AGK: variants seen among roughly 807,000 people sequenced by gnomAD.
AGK encodes the protein acylglycerol kinase, mitochondrial.
In AGK, 52 loss-of-function variants were observed where a neutral mutation model predicts 66.4. That is an observed-to-expected ratio of 0.78 (90% CI 0.63 to 0.99). AGK has a LOEUF of 0.99. AGK is among the 50% of genes least tolerant of loss of function. The pLI is 0.00. For synonymous variants in AGK, 182 were observed against 181.1 expected, an observed-to-expected ratio of 1.00 and a Z score of -0.04; for missense variants, 451 against 506.6, an observed-to-expected ratio of 0.89 and a Z score of 1.05.
chr7:141,561,619 T>C (rs1795353931), intron 2 of AGK, among the ~76,000 whole-genome samples: 1 of 152,118 alleles, frequency 6.6e-6, no homozygotes, highest in Non-Finnish European at 1.5e-5. Context: ...GAATTATTTT[T>C]TTTTTCTTGC....
At chr7:141,609,727 C>G (rs1280237429) in intron 5 of AGK, among the ~76,000 whole-genome samples, 13 of 152,200 alleles carry the variant, frequency 8.5e-5, no homozygotes, top group Non-Finnish European at 1.5e-4. Flanking sequence ...GCTAAAAGTT[C>G]CAACCCTCTA....
intron 5 of AGK, among the ~76,000 whole-genome samples, chr7:141,610,498 T>C (rs1796561951): frequency 6.6e-6 from 1 of 152,216 alleles, no homozygotes; most frequent in African/African-American, 2.4e-5. Flanking sequence ...TGAAATCAAA[T>C]GGTATCAATA....
intron 9 of AGK, among the ~76,000 whole-genome samples, chr7:141,632,990 CAG>C (rs1797090728): frequency 6.6e-6 from 1 of 152,194 alleles, no homozygotes; most frequent in Non-Finnish European, 1.5e-5. Context: ...GCGGAGAAGA[CAG>C]CATGCTTTCT....
intron 11 of AGK, among the ~76,000 whole-genome samples, chr7:141,638,197 G>A (rs1271825693): frequency 1.3e-5 from 2 of 152,198 alleles, no homozygotes; most frequent in Non-Finnish European, 2.9e-5. Context: ...CAAGTGCTGT[G>A]AGAGAAAGAT....
At chr7:141,644,464 T>TA (rs1299770992) in intron 13 of AGK, among the ~76,000 whole-genome samples, 2 of 152,218 alleles carry the variant, frequency 1.3e-5, no homozygotes, top group African/African-American at 4.8e-5. Context: ...AGCTGCCGTG[T>TA]AATAGCTCAA....
intron 8 of AGK, 190 bp downstream of exon 8, chr7:141,615,755 A>AT: frequency 1.7e-6 from 1 of 583,556 alleles, no homozygotes; most frequent in South Asian, 2.1e-5. Flanking sequence ...GGACTCTTAT[A>AT]ATAAGTCTCC....
Position 141,601,137 on chromosome 7 carries a change from G to C in AGK, c.222-68G>C. 4 of 1,200,254 alleles carry C rather than the reference G, an allele frequency of 3.3e-6. No homozygotes were observed. The East Asian group carries it at 9.5e-5, about 29-fold the overall frequency. The allele number at this position is 1,200,254 out of a possible 1,614,324, so 74.4% of individuals were successfully genotyped here. A position where few individuals can be genotyped will look rare whatever the true frequency, so the allele number is the denominator to read the frequency against. On this transcript the variant is annotated intron_variant, in intron 4 of 15. Transcript: ENST00000649286. ...TTCTTATTCTGCCCTGAAGAAGATT[G>C]TAAGGCTTTTTGTTCTTGCTCTTGA...
At chr7:141,558,340 A>G (rs938544542) in intron 2 of AGK, among the ~76,000 whole-genome samples, 3 of 148,770 alleles carry the variant, frequency 2.0e-5, no homozygotes, top group African/African-American at 7.6e-5. Context: ...CATTTTTAGT[A>G]GAGATGGTTT....
chr7:141,651,695 G>C, intron 15 of AGK, 86 bp downstream of exon 15: 1 of 1,266,874 alleles, frequency 7.9e-7, no homozygotes, highest in Non-Finnish European at 1.2e-6. Flanking sequence ...CTTCCTCTCT[G>C]TTAGCTGACC....
rs903710877 is a variant in AGK at position 141,654,315 on chromosome 7, T to A, written c.*1391T>A. ...TTATCCAAGAATACATGAATGTGATTTACAGCTGAGATGGGGTTCAACCTC... is the reference window on the plus strand; with the variant it reads ...TTATCCAAGAATACATGAATGTGATATACAGCTGAGATGGGGTTCAACCTC... On this transcript the variant is annotated 3_prime_UTR_variant, in exon 16 of 16. Coordinates refer to ENST00000649286, the MANE Select transcript of AGK (RefSeq NM_018238.4). 5.3e-5 allele frequency: 8 copies of A among 152,242 alleles called. No homozygotes were observed. Among genetic ancestry groups the A allele is most frequent in the African/African-American group, 1.9e-4 (8 of 41,464 alleles). 9.4% of individuals were successfully genotyped at this position (152,242 alleles called of 1,614,324 possible). A position where few individuals can be genotyped will look rare whatever the true frequency, so the allele number is the denominator to read the frequency against.
chr7:141,568,432 T>C (rs1795513604), intron 2 of AGK, among the ~76,000 whole-genome samples: 1 of 152,160 alleles, frequency 6.6e-6, no homozygotes, highest in Admixed American at 6.5e-5. Flanking sequence ...ACTAACTCCC[T>C]TGGCTGAGCA....
rs186271593 is a variant in AGK at position 141,595,425 on chromosome 7, G to T, written c.142-1137G>T. Among the ~76,000 whole-genome samples the T allele has an allele frequency of 9.9e-5, 15 of 152,266 alleles. 1 individual carries two copies. The East Asian group carries it at 2.9e-3, about 29-fold the overall frequency. Reference sequence around the variant, plus strand: ...TAATGTTCCAGAAACTTCTTACAAAGAAATAGTCTGTCTTTTTCTCTACTT... The same window carrying T: ...TAATGTTCCAGAAACTTCTTACAAATAAATAGTCTGTCTTTTTCTCTACTT... On this transcript the variant is annotated intron_variant, in intron 3 of 15. Coordinates refer to ENST00000649286, the MANE Select transcript of AGK (RefSeq NM_018238.4).
chr7:141,591,605 C>T (rs1796121683), intron 2 of AGK, among the ~76,000 whole-genome samples: 1 of 152,080 alleles, frequency 6.6e-6, no homozygotes, highest in Non-Finnish European at 1.5e-5. Context: ...CCCAGAAGAG[C>T]CTGTTGCCTT....
intron 2 of AGK, among the ~76,000 whole-genome samples, chr7:141,563,575 T>C (rs1415437639): frequency 2.0e-5 from 3 of 152,166 alleles, no homozygotes; most frequent in Admixed American, 6.5e-5. Context: ...TTCCTTGACT[T>C]CTTCTGTATC....
chr7:141,642,897 GAA>G (rs1797321723), intron 13 of AGK, among the ~76,000 whole-genome samples: 1 of 152,132 alleles, frequency 6.6e-6, no homozygotes, highest in Non-Finnish European at 1.5e-5. Flanking sequence ...GTCACTTACA[GAA>G]AAAGTTTACT....
At position 141,654,875 on chromosome 7, in the gene AGK, G is replaced by T. The variant is rs138667275; in HGVS notation, c.*1951G>T. 2.6e-5 allele frequency: 4 copies of T among 152,296 alleles called. No homozygotes were observed. In the East Asian group the frequency reaches 7.7e-4, roughly 29 times the overall value. 9.4% of individuals were successfully genotyped at this position (152,296 alleles called of 1,614,324 possible). A position where few individuals can be genotyped will look rare whatever the true frequency, so the allele number is the denominator to read the frequency against. On this transcript the variant is annotated 3_prime_UTR_variant, in exon 16 of 16. Transcript: ENST00000649286. ...ATGAATGAAGATCACAAAAAGGAAG[G>T]CTTTCTTATTTCATACTGTATTCTT... is the stretch of plus-strand genomic sequence containing the variant.
At chr7:141,602,236 G>T (rs1587114796) in intron 5 of AGK, among the ~76,000 whole-genome samples, 1 of 118,634 alleles carries the variant, frequency 8.4e-6, no homozygotes, top group East Asian at 3.4e-4. Context: ...AGCTCACTAT[G>T]TTGCCAAGGC....
chr7:141,614,124 T>A (rs753824730), intron 6 of AGK, 22 bp from the exon 7 acceptor site: 68 of 1,481,264 alleles, frequency 4.6e-5, no homozygotes, highest in Non-Finnish European at 5.8e-5. Context: ...TTTATAACAA[T>A]GTTTTATTAT....
chr7:141,614,247 T>C, intron 7 of AGK, 69 bp downstream of exon 7: 4 of 1,221,990 alleles, frequency 3.3e-6, no homozygotes, highest in Non-Finnish European at 2.3e-6. Flanking sequence ...TTTCTTTCTT[T>C]TACTTTTTTT....
Sources: allele counts gnomAD v4.1 joint callset (sites outside exome capture counted in the v4.1 genomes callset), GRCh38; gene constraint gnomAD v4.1.1; transcripts MANE v1.5; gene names NCBI Gene and HGNC (gene_info 2026-07-23, HGNC 2026-07-21).